The following ARSJ variants were observed in gnomAD, a reference collection of about 807,000 sequenced individuals.
ARSJ encodes arylsulfatase family member J.
A neutral mutation model predicts 35.9 loss-of-function variants in ARSJ; 26 were observed. That is an observed-to-expected ratio of 0.72 (90% confidence interval 0.53 to 1.00). The LOEUF (loss-of-function observed/expected upper bound fraction) is 1.00. ARSJ is among the 50% of genes least tolerant of loss of function. The probability of loss-of-function intolerance (pLI) is 0.00; values close to 1 mark genes in which losing one functional copy is unlikely to be tolerated. For synonymous variants in ARSJ, 294 were observed against 267.6 expected (o/e 1.10, Z -0.96); for missense variants, 667 against 723.6 (o/e 0.92, Z 0.90).
At chr4:113,932,002 G>A (rs1253411020) in intron 1 of ARSJ, among the ~76,000 whole-genome samples, 1 of 151,994 alleles carries the variant, frequency 6.6e-6, no homozygotes, top group African/African-American at 2.4e-5. Context: ...GAAAGCAAAG[G>A]AGTGGAAAAA....
intron 1 of ARSJ, among the ~76,000 whole-genome samples, chr4:113,974,431 T>C (rs1562380907): frequency 6.6e-6 from 1 of 151,960 alleles, no homozygotes; most frequent in East Asian, 1.9e-4. Flanking sequence ...GCAATACAAA[T>C]ATCTAACAAA....
chr4:113,970,251 T>C (rs1346910380), intron 1 of ARSJ, among the ~76,000 whole-genome samples: 1 of 152,156 alleles, frequency 6.6e-6, no homozygotes, highest in Non-Finnish European at 1.5e-5. Flanking sequence ...AAAAATATTG[T>C]TTAAAGACTG....
At chr4:113,918,374 G>A (rs2085539394) in intron 1 of ARSJ, among the ~76,000 whole-genome samples, 1 of 152,008 alleles carries the variant, frequency 6.6e-6, no homozygotes, top group Non-Finnish European at 1.5e-5. Context: ...AAATATTTAT[G>A]TTATGTGTAA....
At chr4:113,964,869 C>A (rs1361873823) in intron 1 of ARSJ, among the ~76,000 whole-genome samples, 3 of 152,010 alleles carry the variant, frequency 2.0e-5, no homozygotes, top group African/African-American at 7.2e-5. Context: ...CTGAGTAATT[C>A]TTATACATTG....
chr4:113,934,996 T>C (rs552266417), intron 1 of ARSJ, among the ~76,000 whole-genome samples: 1 of 151,990 alleles, frequency 6.6e-6, no homozygotes. Context: ...ATTGGTCAAT[T>C]ATTCCTCTGC....
intron 1 of ARSJ, among the ~76,000 whole-genome samples, chr4:113,956,087 C>A (rs1418221594): frequency 6.6e-5 from 10 of 152,018 alleles, no homozygotes; most frequent in Non-Finnish European, 1.5e-4. Flanking sequence ...GTAGCTGGGA[C>A]TAAAGACATG....
chr4:113,930,581 A>G (rs1488746362), intron 1 of ARSJ, among the ~76,000 whole-genome samples: 1 of 152,186 alleles, frequency 6.6e-6, no homozygotes, highest in Non-Finnish European at 1.5e-5. Context: ...GTAAATTATT[A>G]TAGCACCCAG....
intron 1 of ARSJ, among the ~76,000 whole-genome samples, chr4:113,917,955 T>C (rs1172316702): frequency 1.3e-5 from 2 of 152,184 alleles, no homozygotes; most frequent in Non-Finnish European, 2.9e-5. Context: ...CGCAACATAA[T>C]GCCTAGCACA....
intron 1 of ARSJ, among the ~76,000 whole-genome samples, chr4:113,939,845 C>T (rs562932453): frequency 4.6e-5 from 7 of 151,964 alleles, no homozygotes; most frequent in South Asian, 2.1e-4. Flanking sequence ...GAGTAGGTTG[C>T]GAAAATTTTC....
intron 1 of ARSJ, among the ~76,000 whole-genome samples, chr4:113,923,668 G>T (rs1405564592): frequency 6.6e-6 from 1 of 151,870 alleles, no homozygotes; most frequent in Non-Finnish European, 1.5e-5. Flanking sequence ...CACTGCCATT[G>T]TCCATGTTTA....
chr4:113,948,841 A>G (rs1725670804), intron 1 of ARSJ, among the ~76,000 whole-genome samples: 1 of 152,098 alleles, frequency 6.6e-6, no homozygotes, highest in African/African-American at 2.4e-5. Context: ...AATTTTCTGT[A>G]TCTCTTCATT....
chr4:113,930,238 G>A (rs1188750397), intron 1 of ARSJ, among the ~76,000 whole-genome samples: 4 of 152,112 alleles, frequency 2.6e-5, no homozygotes, highest in Non-Finnish European at 5.9e-5. Flanking sequence ...AAGCTGAGGA[G>A]CAAGGAGAGC....
intron 1 of ARSJ, among the ~76,000 whole-genome samples, chr4:113,948,771 G>C (rs1397626298): frequency 6.6e-6 from 1 of 152,134 alleles, no homozygotes; most frequent in Admixed American, 6.5e-5. Context: ...ACATGGAGGA[G>C]TTGGCTGTAG....
intron 1 of ARSJ, chr4:113,906,669 G>A (rs1426473238): frequency 2.2e-6 from 1 of 452,604 alleles, no homozygotes; most frequent in Non-Finnish European, 4.4e-6. Context: ...ACAGACCTGG[G>A]TTTGAATTTG....
chr4:113,915,093 A>T (rs1052409452), intron 1 of ARSJ, among the ~76,000 whole-genome samples: 13 of 152,184 alleles, frequency 8.5e-5, no homozygotes, highest in African/African-American at 2.9e-4. Context: ...GATTGATACT[A>T]TCAATGTAGG....
At chr4:113,977,843 G>A (rs1234537907) in intron 1 of ARSJ, among the ~76,000 whole-genome samples, 1 of 152,148 alleles carries the variant, frequency 6.6e-6, no homozygotes, top group African/African-American at 2.4e-5. Flanking sequence ...ACTTACCATT[G>A]TATTTCCTTG....
At chr4:113,940,075 G>A (rs879321208) in intron 1 of ARSJ, among the ~76,000 whole-genome samples, 1 of 152,132 alleles carries the variant, frequency 6.6e-6, no homozygotes, top group East Asian at 1.9e-4. Context: ...GTGGAAGACA[G>A]TGTGGTGATT....
At chr4:113,969,304 T>C (rs995103128) in intron 1 of ARSJ, among the ~76,000 whole-genome samples, 8 of 152,154 alleles carry the variant, frequency 5.3e-5, no homozygotes, top group Admixed American at 3.3e-4. Flanking sequence ...AACAATATCA[T>C]GCAGAACACC....
At position 113,972,418 on chromosome 4, in the gene ARSJ, A is replaced by C. The variant is rs566740241; in HGVS notation, c.398+6019T>G. Among the ~76,000 whole-genome samples the C allele has an allele frequency of 2.0e-5, 3 of 151,422 alleles. No individual in the cohort carries two copies. The Admixed American group carries it at 2.0e-4, about 10-fold the overall frequency. On this transcript the variant is annotated intron_variant, in intron 1 of 1. Transcript: ENST00000315366. ...TTCAGATTCTAATATCTATATGTCT[A>C]TGTCCCTCCTCTACTCTCACTCAGT...
Sources: allele counts gnomAD v4.1 joint callset (sites outside exome capture counted in the v4.1 genomes callset), GRCh38; gene constraint gnomAD v4.1.1; transcripts MANE v1.5; gene names NCBI Gene and HGNC (gene_info 2026-07-23, HGNC 2026-07-21).